The following TMPRSS6 variants were observed in gnomAD, a reference collection of about 807,000 sequenced individuals.
The protein encoded by TMPRSS6 is transmembrane serine protease 6, also known as transmembrane protease serine 6.
In TMPRSS6, 67 loss-of-function variants were observed where a neutral mutation model predicts 101.5. The observed-to-expected ratio is 0.66, with a 90% confidence interval of 0.54 to 0.81. The LOEUF is 0.81. Among genes scored for constraint, TMPRSS6 ranks in the 30% least tolerant of loss-of-function variants. The probability of loss-of-function intolerance (pLI) is 0.00; values close to 1 mark genes in which losing one functional copy is unlikely to be tolerated. For synonymous variants in TMPRSS6, 453 were observed against 464.9 expected (o/e 0.97, Z 0.33); for missense variants, 1,034 against 1,088.7 (o/e 0.95, Z 0.71).
chr22:37,107,290 A>G (rs141258022), intron 1 of TMPRSS6, among the ~76,000 whole-genome samples: 1 of 152,014 alleles, frequency 6.6e-6, no homozygotes, highest in African/African-American at 2.4e-5. Context: ...GCACATGGTG[A>G]CTCTAAGAGA....
At chr22:37,105,588 T>A (rs1434543090) in intron 1 of TMPRSS6, among the ~76,000 whole-genome samples, 1 of 152,208 alleles carries the variant, frequency 6.6e-6, no homozygotes. Context: ...ATTGGGAAGA[T>A]CCCAGGTGAT....
intron 10 of TMPRSS6, chr22:37,083,221 C>A: frequency 2.6e-6 from 1 of 377,536 alleles, no homozygotes; most frequent in South Asian, 2.1e-5. Flanking sequence ...CTGACGCTGA[C>A]ACGATGACCG....
chr22:37,068,755 G>A, intron 16 of TMPRSS6: 2 of 767,044 alleles, frequency 2.6e-6, no homozygotes, highest in Non-Finnish European at 4.8e-6. Flanking sequence ...GTAATTAAGA[G>A]CCTTCCACCC....
intron 10 of TMPRSS6, among the ~76,000 whole-genome samples, chr22:37,076,524 A>G (rs1445314194): frequency 1.3e-5 from 2 of 152,018 alleles, no homozygotes; most frequent in Non-Finnish European, 2.9e-5. Flanking sequence ...CTCCTACCAG[A>G]GAACAGGTAG....
rs1003962777 is a variant in TMPRSS6, at chr22:37,078,154, G to A, written c.1197-2874C>T. On this transcript the variant is annotated intron_variant, in intron 10 of 17. Coordinates refer to ENST00000676104, the MANE Select transcript of TMPRSS6 (RefSeq NM_001374504.1). ...TAGTGCGGGGAATGAGGAGTCAAGC[G>A]CATCCCATGGGCCTTGGGGTGTCCC... Among the ~76,000 whole-genome samples, 49 of 150,658 alleles carry A rather than the reference G, an allele frequency of 3.3e-4. 1 individual carries two copies. The highest frequency in any genetic ancestry group is 4.4e-5 in the Non-Finnish European group (3 of 67,458).
At chr22:37,072,679 TGATG>T (rs199599325) in intron 13 of TMPRSS6, among the ~76,000 whole-genome samples, 88 of 117,236 alleles carry the variant, frequency 7.5e-4, no homozygotes, top group Non-Finnish European at 7.7e-4. Context: ...GATGGATGGA[TGATG>T]GATGGATGGG....
chr22:37,095,842 A>G, intron 5 of TMPRSS6, 64 bp downstream of exon 5: 1 of 1,600,210 alleles, frequency 6.2e-7, no homozygotes, highest in Non-Finnish European at 8.6e-7. Context: ...TCCCCGGGCC[A>G]CACCACAGCT....
chr22:37,070,886 C>A, intron 14 of TMPRSS6, 30 bp downstream of exon 14: 3 of 1,605,260 alleles, frequency 1.9e-6, no homozygotes, highest in Non-Finnish European at 2.6e-6. Context: ...CTCCCAAGCT[C>A]CAGGGCCCCG....
At chr22:37,107,317 T>G (rs1378896359) in intron 1 of TMPRSS6, among the ~76,000 whole-genome samples, 5 of 152,140 alleles carry the variant, frequency 3.3e-5, no homozygotes, top group Non-Finnish European at 5.9e-5. Context: ...TCCCATCCTC[T>G]TGGGTTTCCT....
intron 2 of TMPRSS6, among the ~76,000 whole-genome samples, chr22:37,099,826 G>A (rs1295483235): frequency 6.6e-6 from 1 of 151,136 alleles, no homozygotes; most frequent in African/African-American, 2.4e-5. Context: ...GCAGCAAAGA[G>A]TGAGCAACAG....
chr22:37,072,318 G>A (rs569649811), intron 13 of TMPRSS6, among the ~76,000 whole-genome samples: 13 of 146,092 alleles, frequency 8.9e-5, no homozygotes, highest in African/African-American at 3.3e-4. Context: ...TGGATGGATG[G>A]ATGATGGATG....
chr22:37,078,681 AGAAGAG>A (rs796257639), intron 10 of TMPRSS6, among the ~76,000 whole-genome samples: 8,707 of 99,040 alleles, frequency 0.088, 822 homozygotes, highest in African/African-American at 0.32. Flanking sequence ...CTTTAGAAGG[AGAAGAG>A]GAAGAGGAAG....
chr22:37,103,145 T>A lies in TMPRSS6; in HGVS notation c.202+71A>T. 1 of 1,526,812 alleles carries A rather than the reference T, an allele frequency of 6.5e-7. No individual in the cohort carries two copies. The highest frequency in any genetic ancestry group is 1.1e-5 in the South Asian group (1 of 88,934). The allele number at this position is 1,526,812 out of a possible 1,614,324, so 94.6% of individuals were successfully genotyped here. A position where few individuals can be genotyped will look rare whatever the true frequency, so the allele number is the denominator to read the frequency against. On this transcript the variant is annotated intron_variant, in intron 2 of 17. Coordinates refer to ENST00000676104, the MANE Select transcript of TMPRSS6 (RefSeq NM_001374504.1). This position sits in a 1 kb window ranked among gnomAD's most constrained non-coding sequence, Gnocchi z 4.4. ...CGGCTGAGCCTGGAACCCAGTCCTGTCCTGCTGTGCCTGCTACAGTCACCC... is the reference window on the plus strand; with the variant it reads ...CGGCTGAGCCTGGAACCCAGTCCTGACCTGCTGTGCCTGCTACAGTCACCC...
At chr22:37,079,784 C>A (rs559140813) in intron 10 of TMPRSS6, among the ~76,000 whole-genome samples, 1 of 152,266 alleles carries the variant, frequency 6.6e-6, no homozygotes. Context: ...CACTTGCTGA[C>A]GTCAGGCTGT....
chr22:37,098,070 G>A (rs1929975413), intron 3 of TMPRSS6, among the ~76,000 whole-genome samples: 2 of 147,206 alleles, frequency 1.4e-5, no homozygotes, highest in South Asian at 2.2e-4. Flanking sequence ...GGGGAGGAGC[G>A]GGCCACCGTC....
At position 37,103,125 on chromosome 22, in the gene TMPRSS6, G is replaced by A; in HGVS notation, c.202+91C>T. The A allele has an allele frequency of 7.3e-7, 1 of 1,378,614 alleles. No homozygotes were observed. The highest frequency in any genetic ancestry group is 1.0e-6 in the Non-Finnish European group (1 of 979,046). The allele number at this position is 1,378,614 out of a possible 1,614,324, so 85.4% of individuals were successfully genotyped here. On this transcript the variant is annotated intron_variant, in intron 2 of 17. Transcript: ENST00000676104. This position sits in a 1 kb window ranked among gnomAD's most constrained non-coding sequence, Gnocchi z 4.4. ...ACACAGCAATATGCTAAGCACGGCTGAGCCTGGAACCCAGTCCTGTCCTGC... is the reference window on the plus strand; with the variant it reads ...ACACAGCAATATGCTAAGCACGGCTAAGCCTGGAACCCAGTCCTGTCCTGC...
intron 9 of TMPRSS6, 87 bp downstream of exon 9, chr22:37,084,640 G>T: frequency 1.7e-6 from 2 of 1,197,782 alleles, no homozygotes; most frequent in Non-Finnish European, 2.4e-6. Context: ...GCAGAGGCGG[G>T]ACACTGCCCC....
At chr22:37,089,543 AGCCCTCCCTCCT>A in intron 7 of TMPRSS6, 23 bp downstream of exon 7, 2 of 1,329,008 alleles carry the variant, frequency 1.5e-6, no homozygotes, top group Non-Finnish European at 2.1e-6. Context: ...TCCCTTTTCC[AGCCCTCCCTCCT>A]GCCCTCCTTC....
rs780043964 is a variant in TMPRSS6, at chr22:37,069,205, C to G, written c.1981G>C (p.Ala661Pro). ...HEEDSHDYDVALLQLDHPVVR... is the reference protein window; with the variant it reads ...HEEDSHDYDVPLLQLDHPVVR... ...ACCGGGTGGTCGAGCTGCAGCAGCGCCACGTCGTAGTCATGGCTGTCCTCT... is the reference window on the plus strand; with the variant it reads ...ACCGGGTGGTCGAGCTGCAGCAGCGGCACGTCGTAGTCATGGCTGTCCTCT... The change falls in exon 16 of 18, where the codon GCG becomes CCG. Residue 661 changes from alanine to proline, a missense_variant. Physicochemically the swap from Ala to Pro is conservative, Grantham distance 27. Transcript: ENST00000676104. This position sits in a 1 kb window ranked among gnomAD's most constrained non-coding sequence, Gnocchi z 4.8. 1.2e-6 allele frequency: 2 copies of G among 1,605,020 alleles called. No individual in the cohort carries two copies. The highest frequency in any genetic ancestry group is 1.7e-6 in the Non-Finnish European group (2 of 1,176,714).
Sources: allele counts gnomAD v4.1 joint callset (sites outside exome capture counted in the v4.1 genomes callset), GRCh38; gene constraint gnomAD v4.1.1; non-coding constraint Gnocchi (gnomAD v3.1); transcripts MANE v1.5; gene names NCBI Gene and HGNC (gene_info 2026-07-23, HGNC 2026-07-21).